Variants in RALYL observed in about 807,000 individuals in gnomAD.
RALYL encodes RNA-binding Raly-like protein.
In RALYL, 29 loss-of-function variants were observed where a neutral mutation model predicts 35.1. The observed-to-expected ratio is 0.83, with a 90% CI of 0.61 to 1.13. The LOEUF (loss-of-function observed/expected upper bound fraction) is 1.13. Ranked by LOEUF, RALYL falls within the 50% of genes most tolerant of loss-of-function variation. The probability of loss-of-function intolerance (pLI) is 0.00; values close to 1 mark genes in which losing one functional copy is unlikely to be tolerated. For missense variants in RALYL, 359 were observed against 360.4 expected (o/e 1.00, Z 0.03); for synonymous variants, 120 against 127.6 (o/e 0.94, Z 0.40).
At chr8:84,274,012 A>T (rs1286601132) in intron 1 of RALYL, among the ~76,000 whole-genome samples, 2 of 152,010 alleles carry the variant, frequency 1.3e-5, no homozygotes, top group Non-Finnish European at 2.9e-5. Flanking sequence ...TCATTTTAAA[A>T]CTCATACCCA....
At chr8:84,514,585 A>G (rs545024110) in intron 1 of RALYL, among the ~76,000 whole-genome samples, 1 of 152,296 alleles carries the variant, frequency 6.6e-6, no homozygotes, top group South Asian at 2.1e-4. Context: ...CCTTCCAACT[A>G]TATCACAAGG....
chr8:84,521,109 G>A (rs1388960936), intron 1 of RALYL, among the ~76,000 whole-genome samples: 1 of 152,160 alleles, frequency 6.6e-6, no homozygotes, highest in Admixed American at 6.5e-5. Flanking sequence ...ATTTGAAGGT[G>A]GGGCCTTTGG....
intron 2 of RALYL, among the ~76,000 whole-genome samples, chr8:84,579,760 T>A (rs1474689039): frequency 6.6e-6 from 1 of 152,228 alleles, no homozygotes; most frequent in Non-Finnish European, 1.5e-5. Flanking sequence ...TAAAAATTAT[T>A]AATCAGATTC....
rs557697371 is a variant in RALYL, at chr8:84,640,636, G to C, written c.256+111059G>C. Among the ~76,000 whole-genome samples, 7 of 151,872 alleles carry C rather than the reference G, an allele frequency of 4.6e-5. No homozygotes were observed. The East Asian group carries it at 1.4e-3, about 30-fold the overall frequency. On this transcript the variant is annotated intron_variant, in intron 2 of 8. Coordinates refer to ENST00000521268, the MANE Select transcript of RALYL (RefSeq NM_173848.7). ...CTCGAGATAAAATGTTTTCACATCA[G>C]GCCACAACAATAGTTACAACTGGAG...
chr8:84,529,023 A>G (rs1006413592), intron 1 of RALYL, among the ~76,000 whole-genome samples: 9 of 152,200 alleles, frequency 5.9e-5, no homozygotes, highest in Non-Finnish European at 1.5e-5. Context: ...ACTTAAATAT[A>G]AAAACAACTG....
intron 1 of RALYL, among the ~76,000 whole-genome samples, chr8:84,315,950 A>G (rs1056403518): frequency 1.3e-5 from 2 of 152,134 alleles, no homozygotes; most frequent in Non-Finnish European, 2.9e-5. Context: ...CTGGGGTAGG[A>G]TGAAGCTTTA....
intron 1 of RALYL, among the ~76,000 whole-genome samples, chr8:84,259,618 A>AGT (rs1669269740): frequency 6.6e-6 from 1 of 152,172 alleles, no homozygotes; most frequent in South Asian, 2.1e-4. Context: ...TGGGGGACAT[A>AGT]GTGATTCAAA....
At chr8:84,413,259 T>C (rs1177649350) in intron 1 of RALYL, among the ~76,000 whole-genome samples, 1 of 151,598 alleles carries the variant, frequency 6.6e-6, no homozygotes, top group African/African-American at 2.4e-5. Context: ...TTTTAAAGCT[T>C]TAATATTTTT....
At chr8:84,804,102 T>C (rs1824025966) in intron 3 of RALYL, among the ~76,000 whole-genome samples, 1 of 152,210 alleles carries the variant, frequency 6.6e-6, no homozygotes, top group Non-Finnish European at 1.5e-5. Flanking sequence ...GAAAAGTAGC[T>C]GAAAGTAAGC....
At chr8:84,684,292 A>G (rs534265803) in intron 2 of RALYL, among the ~76,000 whole-genome samples, 12 of 152,162 alleles carry the variant, frequency 7.9e-5, no homozygotes, top group Non-Finnish European at 1.8e-4. Context: ...TGTGCTGACC[A>G]TTTATGTTTA....
intron 1 of RALYL, among the ~76,000 whole-genome samples, chr8:84,516,385 T>A (rs1467224676): frequency 6.6e-6 from 1 of 151,760 alleles, no homozygotes; most frequent in Non-Finnish European, 1.5e-5. Context: ...AAAAGCCAAA[T>A]CCATATATTT....
chr8:84,886,633 C>T (rs920529031), intron 7 of RALYL, among the ~76,000 whole-genome samples: 3 of 152,080 alleles, frequency 2.0e-5, no homozygotes, highest in African/African-American at 2.4e-5. Flanking sequence ...TCTAATTTAT[C>T]GGATACCCAA....
chr8:84,203,533 T>G (rs1156357369), intron 1 of RALYL, among the ~76,000 whole-genome samples: 1 of 152,152 alleles, frequency 6.6e-6, no homozygotes, highest in Non-Finnish European at 1.5e-5. Context: ...AGAATTGAGA[T>G]TTCCACAACA....
chr8:84,590,740 A>G (rs543440355), intron 2 of RALYL, among the ~76,000 whole-genome samples: 2 of 152,328 alleles, frequency 1.3e-5, no homozygotes, highest in Admixed American at 6.5e-5. Context: ...GGATACTGCC[A>G]AGCAATAACT....
intron 2 of RALYL, among the ~76,000 whole-genome samples, chr8:84,740,871 A>G (rs1807135638): frequency 6.6e-6 from 1 of 152,004 alleles, no homozygotes; most frequent in South Asian, 2.1e-4. Flanking sequence ...GGGAATAGGT[A>G]ATAAGAGGGT....
intron 1 of RALYL, among the ~76,000 whole-genome samples, chr8:84,419,903 C>T (rs1034209721): frequency 4.6e-5 from 7 of 151,676 alleles, no homozygotes; most frequent in African/African-American, 1.2e-4. Context: ...GCATAGTATT[C>T]CATGTTGTAT....
At chr8:84,302,733 G>A (rs895151112) in intron 1 of RALYL, among the ~76,000 whole-genome samples, 4 of 152,114 alleles carry the variant, frequency 2.6e-5, no homozygotes, top group Admixed American at 6.5e-5. Context: ...GAATGGAGTC[G>A]ATGAGGGACA....
chr8:84,431,830 T>C (rs182682973), intron 1 of RALYL, among the ~76,000 whole-genome samples: 394 of 152,266 alleles, frequency 2.6e-3, no homozygotes, highest in African/African-American at 8.1e-3. Flanking sequence ...TTGGCTAATG[T>C]GAATAGTGCT....
chr8:84,596,555 G>A (rs1360151172), intron 2 of RALYL, among the ~76,000 whole-genome samples: 1 of 152,066 alleles, frequency 6.6e-6, no homozygotes, highest in East Asian at 1.9e-4. Context: ...CTAATTTGCT[G>A]GTCTTAGCTG....
Sources: allele counts gnomAD v4.1 joint callset (sites outside exome capture counted in the v4.1 genomes callset), GRCh38; gene constraint gnomAD v4.1.1; transcripts MANE v1.5; gene names NCBI Gene and HGNC (gene_info 2026-07-23, HGNC 2026-07-21).